Variants in SQLE observed in about 807,000 individuals in gnomAD.
SQLE encodes the protein squalene monooxygenase.
SQLE carries 29 observed loss-of-function variants against 60.7 expected under a neutral mutation model. That is an observed-to-expected ratio of 0.48 (90% CI 0.36 to 0.65). The LOEUF is 0.65. Ranked by LOEUF, SQLE falls within the 30% of genes least tolerant of loss-of-function variation. The pLI is 0.00. For synonymous variants in SQLE, 237 were observed against 246.8 expected (o/e 0.96, Z 0.37); for missense variants, 605 against 684.1 (o/e 0.88, Z 1.29).
At chr8:125,009,782 A>T (rs1462174837) in intron 6 of SQLE, among the ~76,000 whole-genome samples, 1 of 152,134 alleles carries the variant, frequency 6.6e-6, no homozygotes, top group African/African-American at 2.4e-5. Context: ...AACAAGAGCG[A>T]AACTCCGTCT....
chr8:125,011,702 A>G (rs377213542), intron 7 of SQLE, 70 bp downstream of exon 7: 2 of 1,281,966 alleles, frequency 1.6e-6, no homozygotes, highest in Non-Finnish European at 1.1e-6. Flanking sequence ...TTAAATTTAT[A>G]CTGTTACGAA....
Position 124,999,402 on chromosome 8 carries a change from C to T in SQLE, c.-2C>T. 6.7e-7 allele frequency: 1 copy of T among 1,503,086 alleles called. No individual in the cohort carries two copies. Among genetic ancestry groups the T allele is most frequent in the East Asian group, 2.4e-5 (1 of 42,372 alleles). 93.1% of individuals were successfully genotyped at this position (1,503,086 alleles called of 1,614,324 possible). The stretch of plus-strand genomic sequence containing the variant: ...CGGTGCCACCAAAGAAGCCTTGGAA[C>T]CATGTGGACTTTTCTGGGCATTGCC... On this transcript the variant is annotated 5_prime_UTR_variant, in exon 1 of 11. Transcript: ENST00000265896.
chr8:125,017,821 G>A (rs2129908029), intron 7 of SQLE: 2 of 508,042 alleles, frequency 3.9e-6, no homozygotes, highest in Non-Finnish European at 6.9e-6. Flanking sequence ...TGAGGGCAGA[G>A]GCCACACTCT....
Position 125,005,722 on chromosome 8 carries a change from A to C in SQLE, c.725+17A>C. 6.6e-7 allele frequency: 1 copy of C among 1,520,170 alleles called. No individual in the cohort carries two copies. The highest frequency in any genetic ancestry group is 8.9e-7 in the Non-Finnish European group (1 of 1,126,682). 94.2% of individuals were successfully genotyped at this position (1,520,170 alleles called of 1,614,324 possible). A position where few individuals can be genotyped will look rare whatever the true frequency, so the allele number is the denominator to read the frequency against. ...AGAGCCCAAGTAAGACCACAGTTTC[A>C]AATATATAATTACTAAAGAATCAAT... On this transcript the variant is annotated intron_variant, in intron 3 of 10. Transcript: ENST00000265896.
intron 7 of SQLE, among the ~76,000 whole-genome samples, chr8:125,013,350 C>A (rs1359763335): frequency 7.8e-6 from 1 of 127,916 alleles, no homozygotes; most frequent in Non-Finnish European, 1.6e-5. Context: ...CCTATGTTTT[C>A]TTTTTCTTTT....
At chr8:125,017,559 A>C (rs1225551368) in intron 7 of SQLE, among the ~76,000 whole-genome samples, 1 of 152,040 alleles carries the variant, frequency 6.6e-6, no homozygotes, top group Non-Finnish European at 1.5e-5. Context: ...AATGCTGTCC[A>C]GGTGCCAAGA....
chr8:124,999,451 G>T lies in SQLE; in HGVS notation c.48G>T (p.Lys16Asn). 1.3e-6 allele frequency: 2 copies of T among 1,544,184 alleles called. No individual in the cohort carries two copies. The highest frequency in any genetic ancestry group is 1.7e-6 in the Non-Finnish European group (2 of 1,144,792). ...CCACTTTCACCTATTTTTATAAGAA[G>T]TTCGGGGACTTCATCACTTTGGCCA... ...GIATFTYFYK[K>N]FGDFITLANR... Residue 16 changes from lysine (K) to asparagine (N), a missense_variant, in exon 1 of 11, where the codon AAG becomes AAT. Lys to Asn is a moderately conservative substitution (Grantham distance 94). Coordinates refer to ENST00000265896, the MANE Select transcript of SQLE (RefSeq NM_003129.4).
chr8:125,000,429 C>T (rs1814825600), intron 1 of SQLE, among the ~76,000 whole-genome samples: 1 of 152,100 alleles, frequency 6.6e-6, no homozygotes, highest in Admixed American at 6.6e-5. Context: ...TAACTTTATT[C>T]GGTGTTTACT....
intron 7 of SQLE, among the ~76,000 whole-genome samples, chr8:125,015,346 C>G (rs1297356038): frequency 2.6e-5 from 4 of 152,092 alleles, no homozygotes; most frequent in African/African-American, 9.7e-5. Flanking sequence ...TAAATCCATT[C>G]AGCCACTTAC....
chr8:125,022,052 A>C lies in SQLE; in HGVS notation c.*107A>C, dbSNP rs1386346911. 1.4e-6 allele frequency: 1 copy of C among 720,312 alleles called. No individual in the cohort carries two copies. The highest frequency in any genetic ancestry group is 3.3e-5 in the East Asian group (1 of 29,868). 44.6% of individuals were successfully genotyped at this position (720,312 alleles called of 1,614,324 possible). ...TAGTACCATACCACTTATAAAGTGG[A>C]AACTCTTGGACCAAGATTTGGATTA... On this transcript the variant is annotated 3_prime_UTR_variant, in exon 11 of 11. Transcript: ENST00000265896.
chr8:125,014,739 G>T (rs1057445491), intron 7 of SQLE, among the ~76,000 whole-genome samples: 2 of 152,104 alleles, frequency 1.3e-5, no homozygotes, highest in African/African-American at 4.8e-5. Flanking sequence ...TCATAGTACT[G>T]ATTTCTAGTT....
At position 125,016,771 on chromosome 8, in the gene SQLE, A is replaced by G. The variant is rs1480160109; in HGVS notation, c.1205-1288A>G. Among the ~76,000 whole-genome samples, 1 of 152,156 alleles carries G rather than the reference A, an allele frequency of 6.6e-6. No homozygotes were observed. Among genetic ancestry groups the G allele is most frequent in the Non-Finnish European group, 1.5e-5 (1 of 68,026 alleles). On this transcript the variant is annotated intron_variant, in intron 7 of 10. Coordinates refer to ENST00000265896, the MANE Select transcript of SQLE (RefSeq NM_003129.4). This position sits in a 1 kb window ranked among gnomAD's most constrained non-coding sequence, Gnocchi z 4.1. ...CTTGGGAACGCTTTTGAAGTATTCA[A>G]AGGGAAGTGAGTGTTGTGATCTAAG...
chr8:125,013,054 AGAAATGT>A (rs1422442762), intron 7 of SQLE, among the ~76,000 whole-genome samples: 4 of 152,208 alleles, frequency 2.6e-5, no homozygotes, highest in African/African-American at 9.6e-5. Context: ...TGTTGTTTGG[AGAAATGT>A]ATATTTAGAC....
At position 124,998,530 on chromosome 8, in the gene SQLE, T is replaced by G; in HGVS notation, c.-874T>G. On this transcript the variant is annotated 5_prime_UTR_variant, in exon 1 of 11. Transcript: ENST00000265896. The stretch of plus-strand genomic sequence containing the variant: ...GAGACGCGTGGAGCCTGGCGGCGAG[T>G]GGGGGCGTGCGACGGTTACTCTGGT... 1 of 661,692 alleles carries G rather than the reference T, an allele frequency of 1.5e-6. No individual in the cohort carries two copies. Among genetic ancestry groups the G allele is most frequent in the Non-Finnish European group, 2.7e-6 (1 of 365,600 alleles). 41.0% of individuals were successfully genotyped at this position (661,692 alleles called of 1,614,324 possible). A position where few individuals can be genotyped will look rare whatever the true frequency, so the allele number is the denominator to read the frequency against.
At position 125,008,974 on chromosome 8, in the gene SQLE, C is replaced by T; in HGVS notation, c.826C>T (p.Leu276Phe). 1 of 1,562,028 alleles carries T rather than the reference C, an allele frequency of 6.4e-7. No individual in the cohort carries two copies. Among genetic ancestry groups the T allele is most frequent in the Non-Finnish European group, 8.6e-7 (1 of 1,159,682 alleles). ...GTAGTCTTCATTTCTGTTATAGGAA[C>T]TCCATGCTCCACTGACTGTTGTTGC... Reference protein sequence around the residue: ...KDKETGDIKELHAPLTVVADG... With the variant: ...KDKETGDIKEFHAPLTVVADG... Residue 276 changes from leucine (L) to phenylalanine (F), a missense_variant, in exon 5 of 11, where the codon CTC becomes TTC. Leu to Phe is a conservative substitution (Grantham distance 22). Coordinates refer to ENST00000265896, the MANE Select transcript of SQLE (RefSeq NM_003129.4).
At position 125,021,952 on chromosome 8, in the gene SQLE, A is replaced by C. The variant is rs773180637; in HGVS notation, c.*7A>C. ...GAAGTATATGGTTCATTAAGCTTAA[A>C]GGGGAACCATTTGTGAATGAATATT... On this transcript the variant is annotated 3_prime_UTR_variant, in exon 11 of 11. Coordinates refer to ENST00000265896, the MANE Select transcript of SQLE (RefSeq NM_003129.4). The C allele has an allele frequency of 5.1e-6, 8 of 1,574,768 alleles. No homozygotes were observed. The highest frequency in any genetic ancestry group is 2.3e-5 in the South Asian group (2 of 85,442).
intron 2 of SQLE, 113 bp downstream of exon 2, chr8:125,003,541 T>G (rs1814898389): frequency 1.5e-6 from 2 of 1,317,716 alleles, no homozygotes; most frequent in African/African-American, 1.5e-5. Context: ...TTATAAAATT[T>G]TCTATACTCA....
intron 8 of SQLE, 64 bp from the exon 9 acceptor site, chr8:125,018,567 T>G (rs966946): frequency 9.6e-7 from 1 of 1,039,658 alleles, no homozygotes; most frequent in Middle Eastern, 2.9e-4. Flanking sequence ...TTTGAGGGGA[T>G]TATAAACATC....
intron 8 of SQLE, 94 bp downstream of exon 8, chr8:125,018,295 G>T (rs756632486): frequency 7.8e-7 from 1 of 1,280,092 alleles, no homozygotes; most frequent in Non-Finnish European, 1.1e-6. Context: ...CTGTACTAAG[G>T]AACCTGATGC....
Sources: gnomAD v4.1 joint callset for allele counts (sites outside exome capture counted in the v4.1 genomes callset) on GRCh38, gnomAD v4.1.1 for gene constraint, Gnocchi (gnomAD v3.1) non-coding constraint, MANE v1.5 for transcripts, NCBI Gene and HGNC (gene_info 2026-07-23, HGNC 2026-07-21) for gene names.